The following ZMAT4 variants were observed in gnomAD, a reference collection of about 807,000 sequenced individuals.
ZMAT4 encodes zinc finger matrin-type protein 4.
In ZMAT4, 17 loss-of-function variants were observed where a neutral mutation model predicts 28.7. The observed-to-expected ratio is 0.59, with a 90% confidence interval of 0.41 to 0.89. ZMAT4 has a LOEUF of 0.89. Among genes scored for constraint, ZMAT4 ranks in the 40% least tolerant of loss-of-function variants. ZMAT4 has a pLI of 0.00. For missense variants in ZMAT4, 240 were observed against 283.8 expected (o/e 0.85, Z 1.11); for synonymous variants, 117 against 109.2 (o/e 1.07, Z -0.44).
At chr8:40,633,150 A>G (rs1361431969) in intron 5 of ZMAT4, among the ~76,000 whole-genome samples, 1 of 152,206 alleles carries the variant, frequency 6.6e-6, no homozygotes, top group African/African-American at 2.4e-5. Context: ...TTTGACTTTC[A>G]AGACCTAATT....
intron 5 of ZMAT4, among the ~76,000 whole-genome samples, chr8:40,672,187 T>C (rs1178137082): frequency 6.6e-6 from 1 of 152,202 alleles, no homozygotes. Context: ...ATTATATTGC[T>C]ATATCGTGCT....
At chr8:40,895,199 G>T (rs757377266) in intron 1 of ZMAT4, among the ~76,000 whole-genome samples, 1 of 152,180 alleles carries the variant, frequency 6.6e-6, no homozygotes, top group Non-Finnish European at 1.5e-5. Flanking sequence ...AGGAGAAAAC[G>T]CTGGGTCTGT....
chr8:40,849,489 G>A (rs1181442283), intron 1 of ZMAT4, among the ~76,000 whole-genome samples: 3 of 152,114 alleles, frequency 2.0e-5, no homozygotes, highest in Admixed American at 1.3e-4. Flanking sequence ...AAATCTCTTG[G>A]GTCCCAAAAA....
chr8:40,601,434 A>G (rs56350602), intron 5 of ZMAT4, among the ~76,000 whole-genome samples: 9,362 of 122,406 alleles, frequency 0.076, 1,162 homozygotes, highest in African/African-American at 0.14. Context: ...GGAAGGAAGG[A>G]AGGAAGGAAG....
chr8:40,581,694 T>C (rs191018210), intron 5 of ZMAT4, among the ~76,000 whole-genome samples: 129 of 152,296 alleles, frequency 8.5e-4, no homozygotes, highest in African/African-American at 3.1e-3. Flanking sequence ...TAGACATCAC[T>C]CATTTAGGTG....
chr8:40,889,296 G>A (rs1014331969), intron 1 of ZMAT4, among the ~76,000 whole-genome samples: 19 of 152,234 alleles, frequency 1.2e-4, no homozygotes, highest in Non-Finnish European at 2.2e-4. Context: ...GGCACTTGCC[G>A]CATTTCACGT....
chr8:40,897,276 C>T (rs1818909474), intron 1 of ZMAT4, among the ~76,000 whole-genome samples: 1 of 152,132 alleles, frequency 6.6e-6, no homozygotes, highest in African/African-American at 2.4e-5. Context: ...ACGAAGGGGA[C>T]AGACCCTATA....
chr8:40,618,579 C>A (rs1806094606), intron 5 of ZMAT4, among the ~76,000 whole-genome samples: 1 of 151,522 alleles, frequency 6.6e-6, no homozygotes, highest in Admixed American at 6.6e-5. Flanking sequence ...TAAATCCAAG[C>A]TACCAATTCA....
chr8:40,562,098 C>T (rs566753388), intron 6 of ZMAT4, among the ~76,000 whole-genome samples: 1 of 152,302 alleles, frequency 6.6e-6, no homozygotes, highest in Middle Eastern at 3.4e-3. Flanking sequence ...TTAACTTGTA[C>T]CCATTTAGCT....
intron 5 of ZMAT4, among the ~76,000 whole-genome samples, chr8:40,632,819 C>T (rs1463012657): frequency 4.6e-5 from 7 of 152,188 alleles, no homozygotes; most frequent in Non-Finnish European, 1.0e-4. Context: ...CATGTGAAAC[C>T]TCACCACCAT....
chr8:40,846,725 G>T (rs1036239720), intron 1 of ZMAT4, among the ~76,000 whole-genome samples: 1 of 152,204 alleles, frequency 6.6e-6, no homozygotes, highest in Non-Finnish European at 1.5e-5. Flanking sequence ...TGGCAGGGCA[G>T]ACCCGCACAG....
At chr8:40,720,973 T>C (rs1415251341) in intron 3 of ZMAT4, among the ~76,000 whole-genome samples, 2 of 75,512 alleles carry the variant, frequency 2.6e-5, no homozygotes, top group East Asian at 2.4e-4. Context: ...TTGTGTTTTG[T>C]TTGTTTGTTT....
At chr8:40,647,295 A>G (rs1042970751) in intron 5 of ZMAT4, among the ~76,000 whole-genome samples, 2 of 152,196 alleles carry the variant, frequency 1.3e-5, no homozygotes, top group Non-Finnish European at 2.9e-5. Context: ...TCCCTTTCCG[A>G]GTCAAAGAAA....
chr8:40,702,424 T>C lies in ZMAT4; in HGVS notation c.193-5023A>G, dbSNP rs183241433. Among the ~76,000 whole-genome samples, 5 of 152,306 alleles carry C rather than the reference T, an allele frequency of 3.3e-5. No homozygotes were observed. In the East Asian group the frequency reaches 9.6e-4, roughly 29 times the overall value. On this transcript the variant is annotated intron_variant, in intron 3 of 6. Coordinates refer to ENST00000297737, the MANE Select transcript of ZMAT4 (RefSeq NM_024645.3). ...TGGAGGCAAAAATTCAGTCAGACTG[T>C]TTAAATGCAACGTCCACATTGCTGA... is the stretch of plus-strand genomic sequence containing the variant.
At chr8:40,647,273 G>A (rs1173948675) in intron 5 of ZMAT4, among the ~76,000 whole-genome samples, 2 of 152,250 alleles carry the variant, frequency 1.3e-5, no homozygotes, top group African/African-American at 4.8e-5. Flanking sequence ...GAAGCGCAAA[G>A]GGTCAGGGAG....
rs148351537 is a variant in ZMAT4, at chr8:40,584,060, T to C, written c.578-2799A>G. ...TTTTGAAATTTGTAGCTATCATATT[T>C]AGGAAGAAAATGGGAGGCAGGTTTC... On this transcript the variant is annotated intron_variant, in intron 5 of 6. Coordinates refer to ENST00000297737, the MANE Select transcript of ZMAT4 (RefSeq NM_024645.3). Among the ~76,000 whole-genome samples the C allele has an allele frequency of 3.6e-3, 547 of 152,296 alleles. 2 individuals are homozygous for C. Among genetic ancestry groups the C allele is most frequent in the African/African-American group, 0.012 (517 of 41,576 alleles).
chr8:40,626,581 G>A (rs746182375), intron 5 of ZMAT4, among the ~76,000 whole-genome samples: 1 of 152,214 alleles, frequency 6.6e-6, no homozygotes, highest in African/African-American at 2.4e-5. Context: ...CAGCAAACAC[G>A]CACGATGTCT....
chr8:40,681,101 A>G (rs1563408104), intron 4 of ZMAT4, among the ~76,000 whole-genome samples: 1 of 152,148 alleles, frequency 6.6e-6, no homozygotes, highest in Non-Finnish European at 1.5e-5. Flanking sequence ...AAGCCCAGGG[A>G]GATGAACCCA....
chr8:40,710,465 C>A (rs2150507137), intron 3 of ZMAT4, among the ~76,000 whole-genome samples: 1 of 152,182 alleles, frequency 6.6e-6, no homozygotes, highest in East Asian at 1.9e-4. Flanking sequence ...AGTATAAACC[C>A]TTGAGATATC....
Sources: gnomAD v4.1 joint callset for allele counts (sites outside exome capture counted in the v4.1 genomes callset) on GRCh38, gnomAD v4.1.1 for gene constraint, MANE v1.5 for transcripts, NCBI Gene and HGNC (gene_info 2026-07-23, HGNC 2026-07-21) for gene names.